The following SPRED2 variants were observed in gnomAD, a reference collection of about 807,000 sequenced individuals.
SPRED2 encodes the protein sprouty-related, EVH1 domain-containing protein 2.
In SPRED2, 47 loss-of-function variants were observed where a neutral mutation model predicts 43.0. That is an observed-to-expected ratio of 1.09 (90% CI 0.87 to 1.40). The LOEUF is 1.40. Ranked by LOEUF, SPRED2 falls within the 40% of genes most tolerant of loss-of-function variation. The pLI, the probability that SPRED2 is intolerant of heterozygous loss-of-function variation, is 0.00. For missense variants in SPRED2, 561 were observed against 586.4 expected (o/e 0.96, Z 0.45); for synonymous variants, 225 against 225.7 (o/e 1.00, Z 0.03).
intron 4 of SPRED2, among the ~76,000 whole-genome samples, chr2:65,317,132 TC>T (rs1673263867): frequency 1.3e-5 from 2 of 152,136 alleles, no homozygotes; most frequent in African/African-American, 4.8e-5. Flanking sequence ...GGTAGGTTTT[TC>T]TTAAATGCGG....
At position 65,311,018 on chromosome 2, in the gene SPRED2, C is replaced by A. The variant is rs1414081202; in HGVS notation, c.*2483G>T. On this transcript the variant is annotated 3_prime_UTR_variant, in exon 6 of 6. Coordinates refer to ENST00000356388, the MANE Select transcript of SPRED2 (RefSeq NM_181784.3). The stretch of plus-strand genomic sequence containing the variant: ...AAGGCTTATTATAAAAAAATCAATA[C>A]AACAGGGTTTTTAGTATACAGGTAA... 3.0e-6 allele frequency: 3 copies of A among 984,742 alleles called. No homozygotes were observed. Among genetic ancestry groups the A allele is most frequent in the Non-Finnish European group, 2.4e-6 (2 of 828,966 alleles). 61.0% of individuals were successfully genotyped at this position (984,742 alleles called of 1,614,324 possible).
chr2:65,424,585 C>A (rs919102123), intron 1 of SPRED2, among the ~76,000 whole-genome samples: 1 of 151,952 alleles, frequency 6.6e-6, no homozygotes, highest in Non-Finnish European at 1.5e-5. Flanking sequence ...CATGATTGCA[C>A]CCCTGCACTC....
chr2:65,375,424 G>A (rs1380223767), intron 1 of SPRED2, among the ~76,000 whole-genome samples: 1 of 147,856 alleles, frequency 6.8e-6, no homozygotes, highest in Non-Finnish European at 1.5e-5. Context: ...AATCTCAACT[G>A]ACCAGCACTC....
At chr2:65,410,192 A>T (rs1676122650) in intron 1 of SPRED2, among the ~76,000 whole-genome samples, 1 of 151,904 alleles carries the variant, frequency 6.6e-6, no homozygotes, top group Admixed American at 6.5e-5. Flanking sequence ...AGCTTTGATC[A>T]TGCCACTGCA....
At chr2:65,354,653 T>A (rs1674598423) in intron 1 of SPRED2, among the ~76,000 whole-genome samples, 1 of 152,142 alleles carries the variant, frequency 6.6e-6, no homozygotes, top group Admixed American at 6.5e-5. Context: ...TGGTTTTTTT[T>A]TTTAAATCTT....
chr2:65,310,985 G>A lies in SPRED2; in HGVS notation c.*2516C>T. 1.0e-6 allele frequency: 1 copy of A among 982,004 alleles called. No homozygotes were observed. Among genetic ancestry groups the A allele is most frequent in the Non-Finnish European group, 1.2e-6 (1 of 826,436 alleles). The allele number at this position is 982,004 out of a possible 1,614,324, so 60.8% of individuals were successfully genotyped here. ...CACTTGTATATATATTTTTTACACA[G>A]AGGTAAAAAGGCTTATTATAAAAAA... is the stretch of plus-strand genomic sequence containing the variant. On this transcript the variant is annotated 3_prime_UTR_variant, in exon 6 of 6. Coordinates refer to ENST00000356388, the MANE Select transcript of SPRED2 (RefSeq NM_181784.3).
chr2:65,377,351 T>TGG (rs1291303406), intron 1 of SPRED2, among the ~76,000 whole-genome samples: 1 of 152,186 alleles, frequency 6.6e-6, no homozygotes, highest in Non-Finnish European at 1.5e-5. Flanking sequence ...TTTAGATTTG[T>TGG]TGGGTCAGGA....
chr2:65,393,326 C>CTTTT (rs55696467), intron 1 of SPRED2, among the ~76,000 whole-genome samples: 18 of 141,688 alleles, frequency 1.3e-4, no homozygotes, highest in African/African-American at 1.3e-4. Flanking sequence ...AATCATAAGG[C>CTTTT]TTTTTTTTTT....
chr2:65,360,234 C>A (rs1487502404), intron 1 of SPRED2, among the ~76,000 whole-genome samples: 1 of 152,136 alleles, frequency 6.6e-6, no homozygotes, highest in Non-Finnish European at 1.5e-5. Flanking sequence ...TCAAAAGGAA[C>A]AACTCTCTGC....
chr2:65,331,447 T>TA (rs1326736067), intron 4 of SPRED2, among the ~76,000 whole-genome samples: 3 of 152,290 alleles, frequency 2.0e-5, no homozygotes, highest in African/African-American at 7.2e-5. Flanking sequence ...TCAAAACAGC[T>TA]AAAAACCCTT....
chr2:65,369,116 GTTA>G (rs1357528083), intron 1 of SPRED2, among the ~76,000 whole-genome samples: 1 of 152,106 alleles, frequency 6.6e-6, no homozygotes, highest in Non-Finnish European at 1.5e-5. Context: ...AATCACCACA[GTTA>G]CTGTTGCTGA....
downstream of SPRED2, chr2:65,310,759 C>G (rs1673046392): frequency 1.8e-6 from 1 of 548,108 alleles, no homozygotes; most frequent in African/African-American, 2.1e-5. Flanking sequence ...GCACAGGAAG[C>G]CCTGTCCCAT....
chr2:65,419,168 T>C (rs1676359596), intron 1 of SPRED2, among the ~76,000 whole-genome samples: 1 of 152,104 alleles, frequency 6.6e-6, no homozygotes, highest in Non-Finnish European at 1.5e-5. Context: ...ATTCAAGAAC[T>C]TTTAGTGTTG....
intron 4 of SPRED2, among the ~76,000 whole-genome samples, chr2:65,326,657 AAACC>A (rs535525985): frequency 7.2e-5 from 11 of 152,122 alleles, no homozygotes; most frequent in East Asian, 1.9e-4. Flanking sequence ...ACAACAACAA[AAACC>A]AACCAACCAA....
chr2:65,312,705 G>A lies in SPRED2; in HGVS notation c.*796C>T. On this transcript the variant is annotated 3_prime_UTR_variant, in exon 6 of 6. Coordinates refer to ENST00000356388, the MANE Select transcript of SPRED2 (RefSeq NM_181784.3). ...ATAGAAACCTGAAATCCCCATTCTA[G>A]CCCTGGTCCAAGAGGATGCAATGCA... The A allele has an allele frequency of 1.0e-6, 1 of 985,860 alleles. No homozygotes were observed. The highest frequency in any genetic ancestry group is 1.2e-6 in the Non-Finnish European group (1 of 829,932). 61.1% of individuals were successfully genotyped at this position (985,860 alleles called of 1,614,324 possible). A position where few individuals can be genotyped will look rare whatever the true frequency, so the allele number is the denominator to read the frequency against.
At chr2:65,379,378 T>G (rs1014226342) in intron 1 of SPRED2, among the ~76,000 whole-genome samples, 1 of 152,138 alleles carries the variant, frequency 6.6e-6, no homozygotes, top group African/African-American at 2.4e-5. Flanking sequence ...ACAGCTGGTC[T>G]TATTCAAGCA....
intron 1 of SPRED2, among the ~76,000 whole-genome samples, chr2:65,352,620 GTTTTTTGT>G (rs909722405): frequency 2.0e-5 from 3 of 152,160 alleles, no homozygotes; most frequent in Non-Finnish European, 4.4e-5. Flanking sequence ...CATAGCTTTG[GTTTTTTGT>G]TGTTTTGTTT....
chr2:65,360,174 C>T (rs1332228113), intron 1 of SPRED2, among the ~76,000 whole-genome samples: 1 of 151,504 alleles, frequency 6.6e-6, no homozygotes, highest in East Asian at 1.9e-4. Flanking sequence ...CCAACTTCTT[C>T]CACCAGAGAG....
At chr2:65,310,563 C>T (rs1048202826), downstream of SPRED2, among the ~76,000 whole-genome samples, 6 of 151,900 alleles carry the variant, frequency 3.9e-5, no homozygotes, top group African/African-American at 1.5e-4. Flanking sequence ...TACAGCTGTT[C>T]CCTCTGAGGA....
Sources: gnomAD v4.1 joint callset for allele counts (sites outside exome capture counted in the v4.1 genomes callset) on GRCh38, gnomAD v4.1.1 for gene constraint, MANE v1.5 for transcripts, NCBI Gene and HGNC (gene_info 2026-07-23, HGNC 2026-07-21) for gene names.